The following SYCP1 variants were observed in gnomAD, a reference collection of about 807,000 sequenced individuals.
SYCP1 encodes synaptonemal complex protein 1, also known as cancer/testis antigen 8.
Under a neutral mutation model 153.1 loss-of-function variants are expected in SYCP1, and 64 were observed. The ratio of observed to expected loss-of-function variants is 0.42; its 90% CI spans 0.34 to 0.51. SYCP1 has a LOEUF of 0.51. SYCP1 is among the 20% of genes least tolerant of loss of function. SYCP1 has a pLI of 0.06. For synonymous variants in SYCP1, 384 were observed against 341.8 expected, an observed-to-expected ratio of 1.12 and a Z score of -1.36; for missense variants, 997 against 1,049.0, an observed-to-expected ratio of 0.95 and a Z score of 0.68.
Position 114,910,371 on chromosome 1 carries a change from C to A in SYCP1, c.1321-26C>A, listed in dbSNP as rs576200766. 47 of 1,501,154 alleles carry A rather than the reference C, an allele frequency of 3.1e-5. No individual in the cohort carries two copies. The South Asian group carries it at 5.3e-4, about 17-fold the overall frequency. The allele number at this position is 1,501,154 out of a possible 1,614,324, so 93.0% of individuals were successfully genotyped here. On this transcript the variant is annotated intron_variant, in intron 16 of 31. Coordinates refer to ENST00000369522, the MANE Select transcript of SYCP1 (RefSeq NM_003176.4). ...TTCACTATGTGTATGGTTTGGCATT[C>A]CTGATTTGTTAATGTTTATAAATAG...
intron 3 of SYCP1, among the ~76,000 whole-genome samples, chr1:114,856,921 C>CAAAAAAAAAAA (rs758650224): frequency 2.7e-5 from 1 of 37,282 alleles, no homozygotes; most frequent in Non-Finnish European, 4.7e-5. Context: ...CCTGTCTGTA[C>CAAAAAAAAAAA]AAAAAAAAAA....
intron 23 of SYCP1, among the ~76,000 whole-genome samples, chr1:114,937,713 C>A (rs1054004810): frequency 1.2e-3 from 183 of 151,904 alleles, no homozygotes; most frequent in Non-Finnish European, 2.0e-3. Flanking sequence ...AAAATCAAAC[C>A]ACCCCATCAA....
chr1:114,876,218 T>A (rs545953206), intron 10 of SYCP1, 80 bp downstream of exon 10: 2 of 951,114 alleles, frequency 2.1e-6, no homozygotes, highest in Admixed American at 2.7e-5. Context: ...AATGTCTTCA[T>A]CTCTTTAGCC....
chr1:114,898,293 G>A (rs1176065117), intron 16 of SYCP1, among the ~76,000 whole-genome samples: 1 of 152,164 alleles, frequency 6.6e-6, no homozygotes, highest in African/African-American at 2.4e-5. Flanking sequence ...CTTATGACAT[G>A]CCCAGATAAC....
chr1:114,970,836 A>G (rs78201352), intron 27 of SYCP1, among the ~76,000 whole-genome samples: 4,475 of 152,254 alleles, frequency 0.029, 98 homozygotes, highest in Non-Finnish European at 0.045. Flanking sequence ...AGCAGACTCT[A>G]TGAGAGTCCT....
chr1:114,922,922 G>A (rs964586423), intron 20 of SYCP1, among the ~76,000 whole-genome samples: 2 of 152,138 alleles, frequency 1.3e-5, no homozygotes, highest in Admixed American at 6.5e-5. Flanking sequence ...GGAGAAATCA[G>A]CCAGAAGAAT....
intron 23 of SYCP1, among the ~76,000 whole-genome samples, chr1:114,931,446 T>G (rs1027282876): frequency 1.3e-5 from 2 of 152,130 alleles, no homozygotes; most frequent in Non-Finnish European, 2.9e-5. Flanking sequence ...TAACAGCTAG[T>G]AATTGAAAAA....
intron 8 of SYCP1, among the ~76,000 whole-genome samples, chr1:114,870,431 T>G (rs1432811772): frequency 6.6e-6 from 1 of 151,562 alleles, no homozygotes; most frequent in Non-Finnish European, 1.5e-5. Flanking sequence ...TCCATATGTC[T>G]CCTTTTGTAA....
intron 27 of SYCP1, among the ~76,000 whole-genome samples, chr1:114,950,840 CAG>C (rs1467159766): frequency 9.9e-6 from 1 of 100,612 alleles, no homozygotes; most frequent in African/African-American, 3.0e-5. Context: ...TTTTTTGAGA[CAG>C]AGTCTCACGT....
chr1:114,992,121 A>T (rs1673965128), intron 30 of SYCP1, among the ~76,000 whole-genome samples: 1 of 151,844 alleles, frequency 6.6e-6, no homozygotes, highest in South Asian at 2.1e-4. Flanking sequence ...TGTACACTGA[A>T]AATTACAAAA....
chr1:114,958,666 A>T (rs1671587337), intron 27 of SYCP1, among the ~76,000 whole-genome samples: 1 of 151,672 alleles, frequency 6.6e-6, no homozygotes, highest in Non-Finnish European at 1.5e-5. Flanking sequence ...CATGCCTGTA[A>T]TCCCAGCACT....
At chr1:114,954,287 G>T (rs1570851703) in intron 27 of SYCP1, among the ~76,000 whole-genome samples, 1 of 151,960 alleles carries the variant, frequency 6.6e-6, no homozygotes, top group East Asian at 1.9e-4. Context: ...ATCATGCAGT[G>T]CAATAGATTG....
chr1:114,860,745 C>T lies in SYCP1; in HGVS notation c.534C>T (p.Ala178=). 1 of 1,593,560 alleles carries T rather than the reference C, an allele frequency of 6.3e-7. No homozygotes were observed. The highest frequency in any genetic ancestry group is 8.5e-7 in the Non-Finnish European group (1 of 1,172,962). ...ENKDLIKENN[A]TRHLCNLLKE... is the part of the protein sequence containing the mutation. ...CTTTCCTTTGTTTCAGGAATAATGC[C>T]ACAAGGCATTTATGTAATCTACTCA... The change falls in exon 8 of 32, where the codon GCC becomes GCT. Residue 178 remains alanine (A), a synonymous_variant. Transcript: ENST00000369522.
At chr1:114,932,661 G>A (rs2101766304) in intron 23 of SYCP1, among the ~76,000 whole-genome samples, 1 of 152,304 alleles carries the variant, frequency 6.6e-6, no homozygotes, top group East Asian at 1.9e-4. Flanking sequence ...ACCAAGAGAA[G>A]CCGTGACTGA....
intron 23 of SYCP1, among the ~76,000 whole-genome samples, chr1:114,940,974 T>C (rs960694462): frequency 1.3e-5 from 2 of 152,198 alleles, no homozygotes; most frequent in Admixed American, 6.5e-5. Flanking sequence ...TGTACATTAT[T>C]TTGAATATGT....
chr1:114,927,026 A>T (rs1669299855), intron 23 of SYCP1, among the ~76,000 whole-genome samples: 1 of 152,116 alleles, frequency 6.6e-6, no homozygotes, highest in South Asian at 2.1e-4. Context: ...TTGTAATCTT[A>T]TTCCTATGTC....
At chr1:114,906,231 T>C (rs1667801570) in intron 16 of SYCP1, among the ~76,000 whole-genome samples, 1 of 152,156 alleles carries the variant, frequency 6.6e-6, no homozygotes, top group Non-Finnish European at 1.5e-5. Context: ...CCTCCCAAAG[T>C]GCTGGGATTA....
intron 23 of SYCP1, among the ~76,000 whole-genome samples, chr1:114,937,008 T>C (rs1360957334): frequency 6.6e-6 from 1 of 152,156 alleles, no homozygotes; most frequent in Non-Finnish European, 1.5e-5. Context: ...CCCATCAAGC[T>C]ACCAATCACT....
chr1:114,869,550 G>A (rs1664976121), intron 8 of SYCP1, among the ~76,000 whole-genome samples: 1 of 152,108 alleles, frequency 6.6e-6, no homozygotes, highest in Non-Finnish European at 1.5e-5. Context: ...GTGATTGATG[G>A]TTTTATTGAA....
Sources: gnomAD v4.1 joint callset for allele counts (sites outside exome capture counted in the v4.1 genomes callset) on GRCh38, gnomAD v4.1.1 for gene constraint, MANE v1.5 for transcripts, NCBI Gene and HGNC (gene_info 2026-07-23, HGNC 2026-07-21) for gene names.